The following SAMTOR variants were observed in gnomAD, a reference collection of about 807,000 sequenced individuals.
SAMTOR encodes UPF0532 protein C7orf60.
At chr7:112,852,282 T>C in the SAMTOR span, among the ~76,000 whole-genome samples, 1 of 152,094 alleles carries the variant, frequency 6.6e-6, no homozygotes, top group African/African-American at 2.4e-5. Flanking sequence ...TACGCAGCCA[T>C]AAAAAATGAA....
At chr7:112,906,454 T>C in the SAMTOR span, among the ~76,000 whole-genome samples, 1 of 152,048 alleles carries the variant, frequency 6.6e-6, no homozygotes, top group Non-Finnish European at 1.5e-5. Context: ...ACAAAATACC[T>C]AGGAGTAAGC....
At chr7:112,887,241 G>A in the SAMTOR span, among the ~76,000 whole-genome samples, 13 of 150,318 alleles carry the variant, frequency 8.6e-5, no homozygotes, top group African/African-American at 2.2e-4. Context: ...TTAAACAGCC[G>A]TATCATCAGG....
At chr7:112,887,054 T>C in the SAMTOR span, among the ~76,000 whole-genome samples, 2 of 151,884 alleles carry the variant, frequency 1.3e-5, no homozygotes, top group African/African-American at 4.8e-5. Flanking sequence ...TAATCCCAGC[T>C]ACTTGGGAGG....
the SAMTOR span, among the ~76,000 whole-genome samples, chr7:112,837,552 A>G: frequency 1.3e-5 from 2 of 152,032 alleles, no homozygotes; most frequent in African/African-American, 2.4e-5. Flanking sequence ...TTGTGCAGAT[A>G]TGACTAATCT....
the SAMTOR span, chr7:112,832,476 G>A: frequency 2.6e-6 from 2 of 767,312 alleles, no homozygotes; most frequent in Non-Finnish European, 4.6e-6. Context: ...AAATACATTT[G>A]CTATTTTAGG....
the SAMTOR span, among the ~76,000 whole-genome samples, chr7:112,920,691 C>G: frequency 3.5e-5 from 5 of 142,920 alleles, no homozygotes; most frequent in African/African-American, 1.0e-4. Context: ...GATTGTATAT[C>G]TAGAAAACCC....
chr7:112,826,059 T>C, the SAMTOR span, among the ~76,000 whole-genome samples: 1 of 152,138 alleles, frequency 6.6e-6, no homozygotes, highest in Non-Finnish European at 1.5e-5. Context: ...TAAAATACCT[T>C]GTTGGATTCA....
the SAMTOR span, among the ~76,000 whole-genome samples, chr7:112,910,597 G>T: frequency 4.1e-4 from 63 of 152,220 alleles, no homozygotes; most frequent in African/African-American, 1.4e-3. Flanking sequence ...AGATTGAGTA[G>T]ATACCACCTT....
the SAMTOR span, among the ~76,000 whole-genome samples, chr7:112,884,906 C>T: frequency 2.0e-5 from 3 of 152,208 alleles, no homozygotes; most frequent in African/African-American, 7.2e-5. Context: ...CATGAGGGTT[C>T]CACCCCTGCA....
the SAMTOR span, chr7:112,939,863 G>T: frequency 1.3e-6 from 1 of 794,884 alleles, no homozygotes; most frequent in Non-Finnish European, 2.0e-6. Context: ...GGAGGCAGAG[G>T]AACCGGAGCG....
At chr7:112,859,254 TAAC>T in the SAMTOR span, among the ~76,000 whole-genome samples, 1 of 152,176 alleles carries the variant, frequency 6.6e-6, no homozygotes, top group Non-Finnish European at 1.5e-5. Flanking sequence ...ATGAGCCACA[TAAC>T]AACGTTTTCA....
At chr7:112,828,621 A>G in the SAMTOR span, among the ~76,000 whole-genome samples, 1 of 152,166 alleles carries the variant, frequency 6.6e-6, no homozygotes, top group Non-Finnish European at 1.5e-5. Flanking sequence ...TTTTAGGTTG[A>G]CATAATTCAA....
chr7:112,930,034 A>T, the SAMTOR span, among the ~76,000 whole-genome samples: 4 of 152,186 alleles, frequency 2.6e-5, no homozygotes, highest in African/African-American at 9.6e-5. Flanking sequence ...TTAGAAATTC[A>T]GAACAATTTA....
the SAMTOR span, among the ~76,000 whole-genome samples, chr7:112,842,618 A>G: frequency 6.6e-6 from 1 of 152,032 alleles, no homozygotes; most frequent in Non-Finnish European, 1.5e-5. Context: ...AAGTAAACAG[A>G]TAAAATTATC....
the SAMTOR span, among the ~76,000 whole-genome samples, chr7:112,846,145 C>CTTTTTT: frequency 1.6e-3 from 201 of 129,002 alleles, 1 homozygote; most frequent in African/African-American, 5.2e-3. Context: ...ATCTGTACAA[C>CTTTTTT]TTTTTTTTTT....
the SAMTOR span, among the ~76,000 whole-genome samples, chr7:112,877,209 G>A: frequency 6.6e-6 from 1 of 152,178 alleles, no homozygotes; most frequent in Non-Finnish European, 1.5e-5. Flanking sequence ...CAGTTTTCTA[G>A]GAGCTAAGTT....
chr7:112,879,260 A>C, the SAMTOR span, among the ~76,000 whole-genome samples: 5 of 151,044 alleles, frequency 3.3e-5, no homozygotes, highest in Admixed American at 2.7e-4. Flanking sequence ...TAATCAGCAT[A>C]TATGTGGAAA....
chr7:112,836,700 C>T, the SAMTOR span, among the ~76,000 whole-genome samples: 353 of 151,078 alleles, frequency 2.3e-3, 1 homozygote, highest in African/African-American at 8.3e-3. Flanking sequence ...GTTATCCCAG[C>T]AAATAGCGAG....
the SAMTOR span, among the ~76,000 whole-genome samples, chr7:112,861,603 GACTC>G: frequency 6.6e-6 from 1 of 152,102 alleles, no homozygotes; most frequent in African/African-American, 2.4e-5. Flanking sequence ...TTGGTCCCTT[GACTC>G]ACTGTCACAT....
Sources: gnomAD v4.1 joint callset for allele counts (sites outside exome capture counted in the v4.1 genomes callset) on GRCh38, gnomAD v4.1.1 for gene constraint, MANE v1.5 for transcripts, NCBI Gene and HGNC (gene_info 2026-07-23, HGNC 2026-07-21) for gene names.